SMARCA2: variants seen among roughly 807,000 people sequenced by gnomAD.
SMARCA2 encodes the protein SWI/SNF related BAF chromatin remodeling complex subunit ATPase 2, also known as SWI/SNF-related matrix-associated actin-dependent regulator of chromatin subfamily A member 2.
Under a neutral mutation model 199.8 loss-of-function variants are expected in SMARCA2, and 61 were observed. The observed-to-expected ratio is 0.31, with a 90% CI of 0.25 to 0.38. The LOEUF is 0.38. SMARCA2 is among the 10% of genes least tolerant of loss of function. SMARCA2 has a pLI of 1.00. For missense variants in SMARCA2, 1,344 were observed against 2,012.2 expected, an observed-to-expected ratio of 0.67 and a Z score of 6.35; for synonymous variants, 935 against 732.0, an observed-to-expected ratio of 1.28 and a Z score of -4.48.
rs7031743 is a variant in SMARCA2 at position 2,116,407 on chromosome 9, G to T, written c.3684+358G>T. Among the ~76,000 whole-genome samples the T allele has an allele frequency of 6.7e-3, 1,013 of 152,290 alleles. 10 individuals are homozygous for T. Among genetic ancestry groups the T allele is most frequent in the African/African-American group, 0.023 (952 of 41,546 alleles). On this transcript the variant is annotated intron_variant, in intron 25 of 33. Coordinates refer to ENST00000349721, the MANE Select transcript of SMARCA2 (RefSeq NM_003070.5). Reference sequence around the variant, plus strand: ...AGCCGGACGAGACAAGACATAAATGGAAGGGGTCCTCTTTCTCTCATCCTC... The same window carrying T: ...AGCCGGACGAGACAAGACATAAATGTAAGGGGTCCTCTTTCTCTCATCCTC...
chr9:2,174,924 C>CAAAAAAAAAAAAAAAA (rs61327057), intron 29 of SMARCA2, among the ~76,000 whole-genome samples: 1 of 62,302 alleles, frequency 1.6e-5, no homozygotes, highest in African/African-American at 7.2e-5. Context: ...GACCCTCTCT[C>CAAAAAAAAAAAAAAAA]AAAAAAAAAA....
At chr9:2,145,304 C>CAAAAAA (rs56314428) in intron 27 of SMARCA2, among the ~76,000 whole-genome samples, 2 of 132,304 alleles carry the variant, frequency 1.5e-5, no homozygotes, top group Admixed American at 7.8e-5. Context: ...ACTCTTGTCT[C>CAAAAAA]AAAAAAAAAA....
At chr9:2,054,471 C>A (rs1225032650) in intron 5 of SMARCA2, 126 bp from the exon 6 acceptor site, 1 of 1,145,232 alleles carries the variant, frequency 8.7e-7, no homozygotes, top group Non-Finnish European at 1.2e-6. Context: ...TGTTAGAGAT[C>A]AACTATCAGT....
chr9:2,033,785 C>T (rs190719032), intron 3 of SMARCA2, among the ~76,000 whole-genome samples: 2 of 152,348 alleles, frequency 1.3e-5, no homozygotes, highest in Admixed American at 1.3e-4. Context: ...CCTTGGCATT[C>T]CTGGACTTGC....
At chr9:2,073,771 C>G in intron 12 of SMARCA2, 148 bp downstream of exon 12, 1 of 644,654 alleles carries the variant, frequency 1.6e-6, no homozygotes, top group Non-Finnish European at 2.7e-6. Flanking sequence ...TAAGGATTTA[C>G]AAATGCTTTG....
chr9:2,080,634 C>G (rs1276060867), intron 14 of SMARCA2, among the ~76,000 whole-genome samples: 1 of 152,160 alleles, frequency 6.6e-6, no homozygotes, highest in Non-Finnish European at 1.5e-5. Flanking sequence ...GAGGTTCTTC[C>G]TGTTTCTCTA....
At chr9:2,058,258 A>G (rs1333000265) in intron 7 of SMARCA2, 33 bp from the exon 8 acceptor site, 3 of 1,595,426 alleles carry the variant, frequency 1.9e-6, no homozygotes, top group Non-Finnish European at 2.6e-6. Context: ...TTGGATTTTA[A>G]GTATCCTTTT....
At chr9:2,159,907 A>G in intron 27 of SMARCA2, 1 of 1,610,762 alleles carries the variant, frequency 6.2e-7, no homozygotes, top group Non-Finnish European at 8.5e-7. Flanking sequence ...TGATAGTGGT[A>G]AGGTAAATAT....
intron 25 of SMARCA2, 37 bp downstream of exon 25, chr9:2,116,086 G>A: frequency 6.8e-7 from 1 of 1,460,032 alleles, no homozygotes; most frequent in Non-Finnish European, 9.6e-7. Flanking sequence ...AAATCAAACA[G>A]TGGCCTTTTG....
chr9:2,089,043 T>C (rs541370619), intron 19 of SMARCA2, among the ~76,000 whole-genome samples: 1 of 152,256 alleles, frequency 6.6e-6, no homozygotes, highest in African/African-American at 2.4e-5. Context: ...ATTTAACATT[T>C]GATGTTTGTG....
chr9:2,082,309 GTGTGTGTGT>G (rs1821601897), intron 15 of SMARCA2, among the ~76,000 whole-genome samples: 2 of 35,412 alleles, frequency 5.6e-5, no homozygotes, highest in African/African-American at 1.2e-4. Context: ...GGGGAAAGGT[GTGTGTGTGT>G]GTGTGTGTGT....
chr9:2,058,165 A>C (rs565454275), intron 7 of SMARCA2, 126 bp from the exon 8 acceptor site: 2 of 823,792 alleles, frequency 2.4e-6, no homozygotes, highest in African/African-American at 1.7e-5. Flanking sequence ...CCTATCCCCA[A>C]ACAGATTCTA....
chr9:2,019,119 T>A (rs1199330721), intron 1 of SMARCA2, among the ~76,000 whole-genome samples: 1 of 151,722 alleles, frequency 6.6e-6, no homozygotes, highest in African/African-American at 2.4e-5. Context: ...CAAAAGATAC[T>A]TATTGCGGTA....
Position 2,060,807 on chromosome 9 carries a change from C to T in SMARCA2, c.1522-9C>T. On this transcript the variant is annotated splice_polypyrimidine_tract_variant and intron_variant, in intron 8 of 33. Coordinates refer to ENST00000349721, the MANE Select transcript of SMARCA2 (RefSeq NM_003070.5). ...TTATGCTCTCATCCTGCTCTTCTTT[C>T]CTTAATAGGCTGAAGATGAGGAGGG... is the stretch of plus-strand genomic sequence containing the variant. 6.2e-7 allele frequency: 1 copy of T among 1,613,060 alleles called. No homozygotes were observed. The highest frequency in any genetic ancestry group is 8.5e-7 in the Non-Finnish European group (1 of 1,179,368).
rs1439255532 is a variant in SMARCA2 at position 2,158,668 on chromosome 9, GA to G, written c.3982-3017del. On this transcript the variant is annotated intron_variant, in intron 27 of 33. Coordinates refer to ENST00000349721, the MANE Select transcript of SMARCA2 (RefSeq NM_003070.5). ...AAGTTTTGGGGTTTTTTTTGTGTGT[GA>G]CCCCCCAGCCCCCAGCGCTGAGTTT... 1.3e-3 allele frequency: 436 copies of G among 325,594 alleles called. 1 individual carries two copies. Among genetic ancestry groups the G allele is most frequent in the African/African-American group, 8.3e-3 (391 of 46,930 alleles). 20.2% of individuals were successfully genotyped at this position (325,594 alleles called of 1,614,324 possible).
At chr9:2,160,337 A>C (rs982553238) in intron 27 of SMARCA2, 31 of 486,138 alleles carry the variant, frequency 6.4e-5, no homozygotes, top group African/African-American at 6.0e-4. Flanking sequence ...GCCTAGGCTC[A>C]GACTGTCCCT....
chr9:2,174,297 A>T (rs539516693), intron 29 of SMARCA2, among the ~76,000 whole-genome samples: 1 of 151,992 alleles, frequency 6.6e-6, no homozygotes, highest in East Asian at 1.9e-4. Context: ...TTTCCAAACC[A>T]CTCTATAAAT....
chr9:2,148,513 T>C (rs1824880072), intron 27 of SMARCA2, among the ~76,000 whole-genome samples: 1 of 151,388 alleles, frequency 6.6e-6, no homozygotes, highest in South Asian at 2.1e-4. Context: ...TATTATACTT[T>C]AAGTTTTAGG....
At chr9:2,144,320 A>C (rs1824612857) in intron 27 of SMARCA2, among the ~76,000 whole-genome samples, 1 of 152,094 alleles carries the variant, frequency 6.6e-6, no homozygotes, top group South Asian at 2.1e-4. Flanking sequence ...TGTGACTGTT[A>C]AACTTTCTTG....
Sources: gnomAD v4.1 joint callset for allele counts (sites outside exome capture counted in the v4.1 genomes callset) on GRCh38, gnomAD v4.1.1 for gene constraint, MANE v1.5 for transcripts, NCBI Gene and HGNC (gene_info 2026-07-23, HGNC 2026-07-21) for gene names.